Variants in DEUP1 observed in about 807,000 individuals in gnomAD.
DEUP1 encodes coiled-coil domain containing 67.
In DEUP1, 82 loss-of-function variants were observed where a neutral mutation model predicts 87.4. The ratio of observed to expected loss-of-function variants is 0.94; its 90% CI spans 0.78 to 1.13. DEUP1 has a LOEUF of 1.13. Among genes scored for constraint, DEUP1 ranks in the 50% most tolerant of loss-of-function variants. The pLI is 0.00. For synonymous variants in DEUP1, 214 were observed against 222.7 expected (o/e 0.96, Z 0.35); for missense variants, 663 against 681.5 (o/e 0.97, Z 0.30).
At chr11:93,374,662 A>G (rs1945940712) in intron 7 of DEUP1, among the ~76,000 whole-genome samples, 2 of 152,146 alleles carry the variant, frequency 1.3e-5, no homozygotes, top group South Asian at 4.1e-4. Context: ...TACCAGTACC[A>G]TGCTGTTTTG....
Position 93,355,533 on chromosome 11 carries a change from A to G in DEUP1, c.192A>G (p.Lys64=), listed in dbSNP as rs1225299741. ...ATGCACAAACTTGTTTGGATCAGAAAGGTCAAGAGGTACTGAATACATATG... is the reference window on the plus strand; with the variant it reads ...ATGCACAAACTTGTTTGGATCAGAAGGGTCAAGAGGTACTGAATACATATG... ...LANAQTCLDQ[K]GQEVGLLRQK... The change falls in exon 3 of 14, where the codon AAA becomes AAG. Residue 64 remains lysine, a synonymous_variant. Transcript: ENST00000298050. The G allele has an allele frequency of 6.2e-7, 1 of 1,613,276 alleles. No individual in the cohort carries two copies. Among genetic ancestry groups the G allele is most frequent in the Non-Finnish European group, 8.5e-7 (1 of 1,179,580 alleles).
intron 7 of DEUP1, among the ~76,000 whole-genome samples, chr11:93,381,847 C>A (rs965217535): frequency 1.3e-5 from 2 of 152,086 alleles, no homozygotes; most frequent in Non-Finnish European, 2.9e-5. Flanking sequence ...ATTCAACCCA[C>A]TATATATCCA....
In DEUP1 at chr11:93,418,171, A is replaced by T. The variant is rs1164347396; in HGVS notation, c.1638+3057A>T. Among the ~76,000 whole-genome samples the T allele has an allele frequency of 6.6e-5, 10 of 152,206 alleles. No homozygotes were observed. The East Asian group carries it at 1.9e-3, about 29-fold the overall frequency. ...AAAAGCAATGGCAACAAAAGCCAAA[A>T]TTGACAAATGGGATCTAATTAAACT... On this transcript the variant is annotated intron_variant, in intron 13 of 13. Coordinates refer to ENST00000298050, the MANE Select transcript of DEUP1 (RefSeq NM_181645.4).
At chr11:93,428,790 C>A (rs974516190) in intron 13 of DEUP1, among the ~76,000 whole-genome samples, 9 of 152,040 alleles carry the variant, frequency 5.9e-5, no homozygotes, top group Non-Finnish European at 1.5e-5. Flanking sequence ...CAATCATTAA[C>A]CTGTTTTTAT....
rs1422717260 is a variant in DEUP1 at position 93,332,234 on chromosome 11, T to C, written c.-26T>C. ...CTAACAGATTAAAAATCAAGAAATA[T>C]AAACCAGATGTAGCAGTTTCTTGAC... is the stretch of plus-strand genomic sequence containing the variant. On this transcript the variant is annotated 5_prime_UTR_variant, in exon 2 of 14. Transcript: ENST00000298050. 1.3e-6 allele frequency: 2 copies of C among 1,598,832 alleles called. No homozygotes were observed. Among genetic ancestry groups the C allele is most frequent in the South Asian group, 1.1e-5 (1 of 88,554 alleles).
intron 11 of DEUP1, 145 bp downstream of exon 11, chr11:93,396,470 T>A: frequency 1.8e-6 from 1 of 564,262 alleles, no homozygotes; most frequent in Non-Finnish European, 3.1e-6. Context: ...CAGTTGAGGT[T>A]ACTTTTATCC....
chr11:93,385,383 G>T lies in DEUP1; in HGVS notation c.790-15G>T. ...ACCAACAATGAGCATGAAATTTTTTGATGTTTTTATTCAGGCCATGGAAGC... is the reference window on the plus strand; with the variant it reads ...ACCAACAATGAGCATGAAATTTTTTTATGTTTTTATTCAGGCCATGGAAGC... On this transcript the variant is annotated splice_polypyrimidine_tract_variant and intron_variant, in intron 7 of 13. Transcript: ENST00000298050. 6.2e-7 allele frequency: 1 copy of T among 1,609,978 alleles called. No individual in the cohort carries two copies.
intron 13 of DEUP1, among the ~76,000 whole-genome samples, chr11:93,436,112 T>G (rs1948242531): frequency 6.6e-6 from 1 of 152,232 alleles, no homozygotes; most frequent in African/African-American, 2.4e-5. Context: ...TTACCTAGGA[T>G]GTTCTGACAT....
intron 5 of DEUP1, among the ~76,000 whole-genome samples, chr11:93,365,017 A>G (rs576723581): frequency 6.6e-6 from 1 of 152,140 alleles, no homozygotes; most frequent in African/African-American, 2.4e-5. Context: ...CCTATCATCT[A>G]CTTTTACCTG....
chr11:93,341,556 C>T (rs1050629617), intron 2 of DEUP1, among the ~76,000 whole-genome samples: 4 of 152,080 alleles, frequency 2.6e-5, no homozygotes, highest in Admixed American at 6.6e-5. Context: ...TAGTCATATA[C>T]ATAGTAATAT....
intron 11 of DEUP1, among the ~76,000 whole-genome samples, chr11:93,402,141 A>G (rs1426646022): frequency 6.6e-6 from 1 of 151,960 alleles, no homozygotes; most frequent in Non-Finnish European, 1.5e-5. Context: ...ATATATAAGG[A>G]GCTCAAAAAA....
At chr11:93,435,926 G>A (rs1197556417) in intron 13 of DEUP1, among the ~76,000 whole-genome samples, 1 of 151,782 alleles carries the variant, frequency 6.6e-6, no homozygotes, top group East Asian at 1.9e-4. Context: ...AACCCGGGAG[G>A]TGGAGCTTGC....
intron 2 of DEUP1, chr11:93,352,559 G>A: frequency 1.6e-6 from 1 of 609,534 alleles, no homozygotes; most frequent in South Asian, 2.1e-5. Context: ...AAGACTTACA[G>A]TATCTCCCCA....
chr11:93,371,931 CTTT>C (rs72050582), intron 7 of DEUP1, among the ~76,000 whole-genome samples: 6 of 139,618 alleles, frequency 4.3e-5, no homozygotes, highest in Admixed American at 7.1e-5. Context: ...ATATGTATTT[CTTT>C]TTTTTTTTTT....
chr11:93,391,324 T>C (rs1012478123), intron 9 of DEUP1, among the ~76,000 whole-genome samples: 5 of 152,192 alleles, frequency 3.3e-5, no homozygotes, highest in Non-Finnish European at 5.9e-5. Flanking sequence ...TTTTGCAGTA[T>C]AGTATGTTGT....
At chr11:93,433,334 A>G (rs1270591523) in intron 13 of DEUP1, among the ~76,000 whole-genome samples, 1 of 152,134 alleles carries the variant, frequency 6.6e-6, no homozygotes, top group African/African-American at 2.4e-5. Context: ...TGGGCAACAT[A>G]ATGAGGCTCC....
At chr11:93,375,385 T>G (rs1436024828) in intron 7 of DEUP1, among the ~76,000 whole-genome samples, 1 of 151,956 alleles carries the variant, frequency 6.6e-6, no homozygotes, top group African/African-American at 2.4e-5. Flanking sequence ...TCAGGGAGAA[T>G]GCTTTCCCCA....
At chr11:93,360,641 C>A (rs1945127441) in intron 4 of DEUP1, among the ~76,000 whole-genome samples, 1 of 151,512 alleles carries the variant, frequency 6.6e-6, no homozygotes, top group Non-Finnish European at 1.5e-5. Context: ...AGTATAATAA[C>A]CAAATTTAAA....
chr11:93,347,432 G>A (rs1049272363), intron 2 of DEUP1, among the ~76,000 whole-genome samples: 12 of 152,082 alleles, frequency 7.9e-5, no homozygotes, highest in Non-Finnish European at 1.2e-4. Flanking sequence ...ATTTTGTTGA[G>A]GATTTTTGCA....
Sources: gnomAD v4.1 joint callset for allele counts (sites outside exome capture counted in the v4.1 genomes callset) on GRCh38, gnomAD v4.1.1 for gene constraint, MANE v1.5 for transcripts, NCBI Gene and HGNC (gene_info 2026-07-23, HGNC 2026-07-21) for gene names.